EPS15: variants seen among roughly 807,000 people sequenced by gnomAD.
EPS15 encodes the protein epidermal growth factor receptor substrate 15.
Under a neutral mutation model 113.8 loss-of-function variants are expected in EPS15, and 72 were observed. The observed-to-expected ratio is 0.63, with a 90% CI of 0.52 to 0.77. The LOEUF is 0.77. Ranked by LOEUF, EPS15 falls within the 30% of genes least tolerant of loss-of-function variation. The pLI is 0.00. For synonymous variants in EPS15, 344 were observed against 363.4 expected (o/e 0.95, Z 0.61); for missense variants, 1,048 against 1,045.8 (o/e 1.00, Z -0.03).
At chr1:51,413,253 T>G (rs540824281) in intron 13 of EPS15, among the ~76,000 whole-genome samples, 2 of 152,344 alleles carry the variant, frequency 1.3e-5, no homozygotes, top group South Asian at 4.1e-4. Context: ...TGACTCATCT[T>G]GGGCTTCCTT....
chr1:51,409,507 C>A, intron 14 of EPS15, 28 bp downstream of exon 14: 1 of 1,590,250 alleles, frequency 6.3e-7, no homozygotes, highest in Non-Finnish European at 8.5e-7. Flanking sequence ...TGTATAGGTG[C>A]AGGCAGCAGG....
intron 1 of EPS15, among the ~76,000 whole-genome samples, chr1:51,506,493 T>C (rs927775504): frequency 9.9e-5 from 15 of 152,224 alleles, no homozygotes; most frequent in Admixed American, 5.9e-4. Flanking sequence ...AAAAACAGAT[T>C]GCAAAGTTTA....
At chr1:51,510,597 T>G (rs1489650541) in intron 1 of EPS15, among the ~76,000 whole-genome samples, 1 of 152,082 alleles carries the variant, frequency 6.6e-6, no homozygotes, top group African/African-American at 2.4e-5. Flanking sequence ...GATAGAACTG[T>G]TCCACAACTA....
intron 24 of EPS15, among the ~76,000 whole-genome samples, chr1:51,357,295 T>C (rs1427651954): frequency 2.7e-5 from 4 of 146,190 alleles, no homozygotes; most frequent in African/African-American, 1.0e-4. Flanking sequence ...ATGAATCACT[T>C]GAACCCAGGA....
intron 12 of EPS15, among the ~76,000 whole-genome samples, chr1:51,427,540 T>C (rs1651333694): frequency 6.6e-6 from 1 of 152,094 alleles, no homozygotes; most frequent in Non-Finnish European, 1.5e-5. Context: ...ACAGGTAAGG[T>C]GCTATTGGAA....
At chr1:51,382,956 T>C (rs1239559278) in intron 21 of EPS15, among the ~76,000 whole-genome samples, 1 of 152,150 alleles carries the variant, frequency 6.6e-6, no homozygotes. Context: ...AAACTATAGA[T>C]CAATATCCTT....
At chr1:51,421,627 C>A (rs1650767017) in intron 13 of EPS15, among the ~76,000 whole-genome samples, 159 bp downstream of exon 13, 1 of 152,024 alleles carries the variant, frequency 6.6e-6, no homozygotes, top group South Asian at 2.1e-4. Context: ...GAATTCCAAG[C>A]AAGAACAATC....
chr1:51,483,752 G>T (rs11589395), intron 1 of EPS15, among the ~76,000 whole-genome samples: 5 of 151,394 alleles, frequency 3.3e-5, no homozygotes, highest in Non-Finnish European at 7.4e-5. Flanking sequence ...GTTGCAGTGA[G>T]CTGAAATCAC....
intron 1 of EPS15, among the ~76,000 whole-genome samples, chr1:51,505,794 T>A (rs1644489432): frequency 6.6e-6 from 1 of 152,206 alleles, no homozygotes. Flanking sequence ...ATTTTATTTT[T>A]ATTTATTTAT....
chr1:51,472,112 T>G, intron 3 of EPS15, among the ~76,000 whole-genome samples: 1 of 152,016 alleles, frequency 6.6e-6, no homozygotes, highest in Non-Finnish European at 1.5e-5. Context: ...AGCCAAAAGA[T>G]TGGGCACCCC....
intron 10 of EPS15, 92 bp from the exon 11 acceptor site, chr1:51,445,137 T>C: frequency 8.3e-7 from 1 of 1,205,874 alleles, no homozygotes; most frequent in Admixed American, 2.3e-5. Context: ...TTTAAAATAA[T>C]GAGGTGAATT....
chr1:51,484,293 C>T (rs116248658), intron 1 of EPS15, among the ~76,000 whole-genome samples: 5 of 151,074 alleles, frequency 3.3e-5, no homozygotes, highest in Admixed American at 2.0e-4. Flanking sequence ...CAGGTGTAGT[C>T]GCTCGCGCCT....
chr1:51,465,848 A>G (rs1279576137), intron 5 of EPS15, among the ~76,000 whole-genome samples: 1 of 151,958 alleles, frequency 6.6e-6, no homozygotes, highest in East Asian at 1.9e-4. Context: ...AAATTAAATT[A>G]TTAGTATGCA....
chr1:51,465,128 G>GT (rs1654752130), intron 6 of EPS15, 133 bp downstream of exon 6: 5 of 505,138 alleles, frequency 9.9e-6, no homozygotes. Flanking sequence ...AGAAACACCA[G>GT]TAACAGCTTC....
intron 13 of EPS15, among the ~76,000 whole-genome samples, chr1:51,413,610 C>CT (rs1290030741): frequency 6.6e-6 from 1 of 152,142 alleles, no homozygotes; most frequent in African/African-American, 2.4e-5. Context: ...ATGACAAATG[C>CT]TTTTTAAACT....
intron 21 of EPS15, among the ~76,000 whole-genome samples, chr1:51,386,895 G>T (rs370598533): frequency 1.3e-5 from 2 of 152,206 alleles, no homozygotes; most frequent in East Asian, 1.9e-4. Flanking sequence ...AAAACACTCT[G>T]CAGGATATTA....
chr1:51,444,972 G>C lies in EPS15; in HGVS notation c.871C>G (p.Gln291Glu). Residue 291 changes from glutamine to glutamate, a missense_variant, in exon 11 of 25, where the codon CAG becomes GAG. By Grantham distance (29) the Gln-to-Glu change is conservative. Transcript: ENST00000371733. The part of the protein sequence containing the change: ...QFALAFHLIS[Q>E]KLIKGIDPPH... ...GGATCAATGCCCTTGATTAACTTCT[G>C]ACTGATTAAGTGAAAAGCCAAGGCA... is the stretch of plus-strand genomic sequence containing the variant. 6.2e-7 allele frequency: 1 copy of C among 1,613,946 alleles called. No homozygotes were observed. The highest frequency in any genetic ancestry group is 8.5e-7 in the Non-Finnish European group (1 of 1,179,886).
At chr1:51,420,617 T>A (rs921926698) in intron 13 of EPS15, among the ~76,000 whole-genome samples, 1 of 152,180 alleles carries the variant, frequency 6.6e-6, no homozygotes, top group South Asian at 2.1e-4. Flanking sequence ...GTAATTCAGA[T>A]AACTTACCCT....
chr1:51,429,502 G>A (rs1651516711), intron 12 of EPS15, among the ~76,000 whole-genome samples: 1 of 152,012 alleles, frequency 6.6e-6, no homozygotes, highest in East Asian at 1.9e-4. Flanking sequence ...AAAAAGTAGA[G>A]AGATGAGAAA....
Sources: gnomAD v4.1 joint callset for allele counts (sites outside exome capture counted in the v4.1 genomes callset) on GRCh38, gnomAD v4.1.1 for gene constraint, MANE v1.5 for transcripts, NCBI Gene and HGNC (gene_info 2026-07-23, HGNC 2026-07-21) for gene names.